The following CEP104 variants were observed in gnomAD, a reference collection of about 807,000 sequenced individuals.
CEP104 encodes the protein centrosomal protein of 104 kDa.
In CEP104, 84 loss-of-function variants were observed where a neutral mutation model predicts 113.3. That is an observed-to-expected ratio of 0.74 (90% CI 0.62 to 0.89). CEP104 has a LOEUF of 0.89. Among genes scored for constraint, CEP104 ranks in the 40% least tolerant of loss-of-function variants. The pLI is 0.00. For missense variants in CEP104, 1,053 were observed against 1,156.6 expected (o/e 0.91, Z 1.30); for synonymous variants, 378 against 421.7 (o/e 0.90, Z 1.27).
At chr1:3,854,086 T>C (rs1644665960) in intron 1 of CEP104, among the ~76,000 whole-genome samples, 1 of 152,182 alleles carries the variant, frequency 6.6e-6, no homozygotes, top group South Asian at 2.1e-4. Flanking sequence ...TCGCATGGGC[T>C]CTGAGCCTAG....
At chr1:3,836,433 C>T (rs531402607) in intron 10 of CEP104, 62 bp downstream of exon 10, 29 of 1,518,848 alleles carry the variant, frequency 1.9e-5, no homozygotes, top group Middle Eastern at 2.4e-4. Context: ...CAGAGGTGTG[C>T]GTACCATATA....
At position 3,845,288 on chromosome 1, in the gene CEP104, C is replaced by G; in HGVS notation, c.489+1G>C. The G allele has an allele frequency of 6.3e-7, 1 of 1,592,656 alleles. No homozygotes were observed. Among genetic ancestry groups the G allele is most frequent in the Non-Finnish European group, 8.6e-7 (1 of 1,164,806 alleles). On this transcript the variant is annotated splice_donor_variant, in intron 5 of 21. Transcript: ENST00000378230. LOFTEE classifies it high-confidence loss of function. The stretch of plus-strand genomic sequence containing the variant: ...TAGGAATTAAAACTTTCCAAACTTA[C>G]AGTATTGCTTTCATCACTGAAATCT...
At position 3,823,306 on chromosome 1, in the gene CEP104, C is replaced by G; in HGVS notation, c.2504-65G>C. The G allele has an allele frequency of 6.2e-7, 1 of 1,605,306 alleles. No homozygotes were observed. Among genetic ancestry groups the G allele is most frequent in the South Asian group, 1.1e-5 (1 of 90,900 alleles). The stretch of plus-strand genomic sequence containing the variant: ...ACAGGCGACAAGACATGCTGCTGGC[C>G]TGCCCGCAGGTGCCCTTTAATTCAC... On this transcript the variant is annotated intron_variant, in intron 19 of 21. Coordinates refer to ENST00000378230, the MANE Select transcript of CEP104 (RefSeq NM_014704.4). The surrounding 1 kb of genome is among the most constrained non-coding windows in gnomAD (Gnocchi z 4.1).
chr1:3,852,343 C>A lies in CEP104; in HGVS notation c.65G>T (p.Arg22Leu). 1.2e-6 allele frequency: 2 copies of A among 1,614,090 alleles called. No homozygotes were observed. The highest frequency in any genetic ancestry group is 1.7e-6 in the Non-Finnish European group (2 of 1,180,016). ...SSGHEDGFSA[R>L]ELMIHAPTVS... is the part of the protein sequence containing the mutation. Reference sequence around the variant, plus strand: ...AGTTGGCGCGTGGATCATGAGCTCCCGGGCACTGAAGCCGTCTTCGTGTCC... The same window carrying A: ...AGTTGGCGCGTGGATCATGAGCTCCAGGGCACTGAAGCCGTCTTCGTGTCC... Residue 22 changes from arginine (R) to leucine (L), a missense_variant, in exon 2 of 22, where the codon CGG becomes CTG. Arg to Leu is a moderately radical substitution (Grantham distance 102, BLOSUM62 -2). Coordinates refer to ENST00000378230, the MANE Select transcript of CEP104 (RefSeq NM_014704.4).
chr1:3,835,121 C>T, intron 10 of CEP104, 29 bp from the exon 11 acceptor site: 1 of 1,598,946 alleles, frequency 6.3e-7, no homozygotes, highest in South Asian at 1.1e-5. Context: ...CATTTCATGG[C>T]ATCACACAAC....
In CEP104 at chr1:3,823,431, A is replaced by C; in HGVS notation, c.2496T>G (p.Asp832Glu). The part of the protein sequence containing the change: ...EELPRHIKHK[D>E]CNPAKPEKLA... ...CTGGGAAGGGGCACTCACGGTTGCA[A>C]TCCTTGTGTTTTATGTGTCTGGGCA... Residue 832 changes from aspartate to glutamate, a missense_variant, in exon 19 of 22, where the codon GAT (aspartate) becomes GAG (glutamate). Asp to Glu is a conservative substitution (Grantham distance 45). Coordinates refer to ENST00000378230, the MANE Select transcript of CEP104 (RefSeq NM_014704.4). The surrounding 1 kb of genome is among the most constrained non-coding windows in gnomAD (Gnocchi z 4.1). 1 of 1,614,154 alleles carries C rather than the reference A, an allele frequency of 6.2e-7. No individual in the cohort carries two copies. Among genetic ancestry groups the C allele is most frequent in the South Asian group, 1.1e-5 (1 of 91,076 alleles).
chr1:3,817,853 G>A (rs1643903688), intron 20 of CEP104, among the ~76,000 whole-genome samples: 1 of 152,254 alleles, frequency 6.6e-6, no homozygotes, highest in Non-Finnish European at 1.5e-5. Flanking sequence ...TTGTCTTGCT[G>A]TTGCCCTCTG....
intron 20 of CEP104, among the ~76,000 whole-genome samples, chr1:3,821,139 G>A (rs930803796): frequency 1.3e-5 from 2 of 152,222 alleles, no homozygotes; most frequent in African/African-American, 4.8e-5. Context: ...TGGGAACCAG[G>A]CCTCTGTGCC....
chr1:3,839,287 T>C (rs1354962020), intron 7 of CEP104, among the ~76,000 whole-genome samples, 168 bp from the exon 8 acceptor site: 1 of 152,162 alleles, frequency 6.6e-6, no homozygotes, highest in East Asian at 1.9e-4. Flanking sequence ...GCTGTTGCTG[T>C]ATGGGCATTT....
intron 13 of CEP104, 93 bp from the exon 14 acceptor site, chr1:3,830,090 TA>T: frequency 1.1e-6 from 1 of 916,474 alleles, no homozygotes; most frequent in Non-Finnish European, 1.7e-6. Context: ...ATGTGAAAAA[TA>T]AAAGAGAAAA....
At chr1:3,845,178 G>T in intron 5 of CEP104, 111 bp downstream of exon 5, 1 of 897,532 alleles carries the variant, frequency 1.1e-6, no homozygotes, top group Non-Finnish European at 1.8e-6. Flanking sequence ...TTATTCACTA[G>T]TCAATTTTAT....
Position 3,847,483 on chromosome 1 carries a change from A to T in CEP104, c.418T>A (p.Tyr140Asn). ...AGCTGCATGCATCTTACCTGATTAT[A>T]TATGTTGTATTTGTTGACATGGTTT... Reference protein sequence around the residue: ...HQNHVNKYNIYNQVALVAINI... With the variant: ...HQNHVNKYNINNQVALVAINI... Residue 140 changes from tyrosine to asparagine, a missense_variant, in exon 4 of 22, where the codon TAT becomes AAT. Coordinates refer to ENST00000378230, the MANE Select transcript of CEP104 (RefSeq NM_014704.4). 1 of 1,602,938 alleles carries T rather than the reference A, an allele frequency of 6.2e-7. No individual in the cohort carries two copies. Among genetic ancestry groups the T allele is most frequent in the Non-Finnish European group, 8.5e-7 (1 of 1,175,108 alleles).
At position 3,828,296 on chromosome 1, in the gene CEP104, G is replaced by A. The variant is rs116566211; in HGVS notation, c.2151+970C>T. Among the ~76,000 whole-genome samples the A allele has an allele frequency of 6.0e-3, 918 of 152,294 alleles. 10 individuals carry two copies. Among genetic ancestry groups the A allele is most frequent in the African/African-American group, 0.02 (849 of 41,556 alleles). On this transcript the variant is annotated intron_variant, in intron 15 of 21. Coordinates refer to ENST00000378230, the MANE Select transcript of CEP104 (RefSeq NM_014704.4). ...AGCCACTGAGGGTCACTGAGCACAC[G>A]AGTCATCCACACCACGATGCGGACC... is the stretch of plus-strand genomic sequence containing the variant.
chr1:3,855,092 G>A (rs1351812802), intron 1 of CEP104, among the ~76,000 whole-genome samples: 4 of 150,662 alleles, frequency 2.7e-5, no homozygotes, highest in South Asian at 2.1e-4. Flanking sequence ...GGCTGGTCTC[G>A]AACTCCTGAC....
At chr1:3,816,710 A>G (rs1188798225) in intron 20 of CEP104, among the ~76,000 whole-genome samples, 1 of 152,248 alleles carries the variant, frequency 6.6e-6, no homozygotes, top group Non-Finnish European at 1.5e-5. Flanking sequence ...CGCCCGCGTG[A>G]TTACGTTCCA....
chr1:3,851,016 A>G (rs1644600337), intron 2 of CEP104, among the ~76,000 whole-genome samples: 1 of 152,184 alleles, frequency 6.6e-6, no homozygotes, highest in South Asian at 2.1e-4. Flanking sequence ...GGTCATGGGG[A>G]GTCTGGGAGG....
At chr1:3,829,495 C>T in intron 14 of CEP104, 122 bp from the exon 15 acceptor site, 1 of 725,760 alleles carries the variant, frequency 1.4e-6, no homozygotes, top group South Asian at 1.9e-5. Flanking sequence ...AGACTAATAA[C>T]AAGTTAGAAT....
At chr1:3,856,011 TA>T in intron 1 of CEP104, 1 of 883,794 alleles carries the variant, frequency 1.1e-6, no homozygotes, top group Non-Finnish European at 1.4e-6. Context: ...GCTGGCATGG[TA>T]AAAGGCAATT....
Position 3,847,408 on chromosome 1 carries a change from T to G in CEP104, c.426+67A>C, listed in dbSNP as rs112980667. ...CCTTGAAAATGCATCTAAGAAAAGA[T>G]ACGTGACCACATAATCCCACAAAGA... On this transcript the variant is annotated intron_variant, in intron 4 of 21. Transcript: ENST00000378230. 15 of 1,408,950 alleles carry G rather than the reference T, an allele frequency of 1.1e-5. No homozygotes were observed. In the South Asian group the frequency reaches 2.1e-4, roughly 19 times the overall value. 87.3% of individuals were successfully genotyped at this position (1,408,950 alleles called of 1,614,324 possible).
Sources: allele counts gnomAD v4.1 joint callset (sites outside exome capture counted in the v4.1 genomes callset), GRCh38; gene constraint gnomAD v4.1.1; non-coding constraint Gnocchi (gnomAD v3.1); transcripts MANE v1.5; gene names NCBI Gene and HGNC (gene_info 2026-07-23, HGNC 2026-07-21).